CELF4: variants seen among roughly 807,000 people sequenced by gnomAD.
The protein encoded by CELF4 is CUG-BP- and ETR-3-like factor 4.
Under a neutral mutation model 59.9 loss-of-function variants are expected in CELF4, and 18 were observed. The observed-to-expected ratio is 0.30, with a 90% CI of 0.21 to 0.45. The LOEUF is 0.45. Ranked by LOEUF, CELF4 falls within the 20% of genes least tolerant of loss-of-function variation. CELF4 has a pLI of 1.00. For missense variants in CELF4, 456 were observed against 689.0 expected (o/e 0.66, Z 3.79); for synonymous variants, 261 against 267.1 (o/e 0.98, Z 0.22).
chr18:37,274,395 C>A lies in CELF4; in HGVS notation c.717G>T (p.Arg239=). ...FADTDKERTM[R]RMQQMAGQMG... ...TCTGGCCAGCCATCTGCTGCATTCG[C>A]CGCATCGTGCGCTCCTTGTCGGTGT... The change falls in exon 6 of 13, where the codon CGG becomes CGT. Residue 239 remains arginine, a synonymous_variant. Coordinates refer to ENST00000420428, the MANE Select transcript of CELF4 (RefSeq NM_020180.4). The A allele has an allele frequency of 6.2e-7, 1 of 1,613,604 alleles. No individual in the cohort carries two copies. Among genetic ancestry groups the A allele is most frequent in the South Asian group, 1.1e-5 (1 of 91,086 alleles).
At chr18:37,443,771 C>T (rs146141507) in intron 2 of CELF4, among the ~76,000 whole-genome samples, 16 of 152,282 alleles carry the variant, frequency 1.1e-4, no homozygotes, top group Admixed American at 7.2e-4. Context: ...TCCTGAGCCT[C>T]CTTCTGTGTT....
chr18:37,262,682 A>G (rs2075455477), intron 10 of CELF4, among the ~76,000 whole-genome samples: 1 of 152,170 alleles, frequency 6.6e-6, no homozygotes, highest in Non-Finnish European at 1.5e-5. Context: ...GAGAAAAGAT[A>G]TCAGGGCCTG....
intron 2 of CELF4, among the ~76,000 whole-genome samples, chr18:37,451,701 A>C (rs1350429418): frequency 6.6e-6 from 1 of 152,010 alleles, no homozygotes. Context: ...CGTACTTAGC[A>C]CCCAGTCAGC....
At chr18:37,384,232 T>C (rs1166888575) in intron 2 of CELF4, among the ~76,000 whole-genome samples, 2 of 152,206 alleles carry the variant, frequency 1.3e-5, no homozygotes, top group African/African-American at 2.4e-5. Context: ...GGGGAGACAC[T>C]CTGTCCTTCC....
At chr18:37,465,911 G>T (rs1017910535) in intron 2 of CELF4, among the ~76,000 whole-genome samples, 3 of 152,182 alleles carry the variant, frequency 2.0e-5, no homozygotes, top group Admixed American at 1.3e-4. Context: ...GCTGGCAGCA[G>T]AATCATGGGA....
At chr18:37,559,499 T>C (rs2099985908) in intron 1 of CELF4, among the ~76,000 whole-genome samples, 1 of 152,186 alleles carries the variant, frequency 6.6e-6, no homozygotes, top group Non-Finnish European at 1.5e-5. Context: ...GCTGGCATTT[T>C]GACCCTACAA....
At chr18:37,394,793 C>G (rs146840420) in intron 2 of CELF4, among the ~76,000 whole-genome samples, 5,003 of 152,260 alleles carry the variant, frequency 0.033, 121 homozygotes, top group Non-Finnish European at 0.046. Context: ...CCCACTCCCC[C>G]CAGACCAGGG....
chr18:37,416,221 T>C (rs2099527284), intron 2 of CELF4, among the ~76,000 whole-genome samples: 1 of 144,336 alleles, frequency 6.9e-6, no homozygotes, highest in Non-Finnish European at 1.6e-5. Flanking sequence ...CACCCATCCA[T>C]CCATTCATCT....
chr18:37,517,118 G>C (rs1416368388), intron 1 of CELF4, among the ~76,000 whole-genome samples: 1 of 152,168 alleles, frequency 6.6e-6, no homozygotes, highest in Admixed American at 6.5e-5. Context: ...TTAGCACTGA[G>C]AGAGCCAGGA....
intron 3 of CELF4, among the ~76,000 whole-genome samples, chr18:37,279,737 G>C (rs924070880): frequency 6.6e-6 from 1 of 152,216 alleles, no homozygotes; most frequent in Non-Finnish European, 1.5e-5. Flanking sequence ...AAGAACTGCT[G>C]TCCCTGCACC....
At chr18:37,262,997 T>G (rs2075667119) in intron 10 of CELF4, among the ~76,000 whole-genome samples, 1 of 152,138 alleles carries the variant, frequency 6.6e-6, no homozygotes, top group Non-Finnish European at 1.5e-5. Flanking sequence ...ATCTCAGAAG[T>G]TGCCTGCTGG....
intron 1 of CELF4, among the ~76,000 whole-genome samples, chr18:37,487,595 C>T (rs773468891): frequency 5.9e-5 from 9 of 152,318 alleles, no homozygotes; most frequent in Non-Finnish European, 7.3e-5. Context: ...CGTCGTCCCT[C>T]GTGCTGCCGC....
chr18:37,316,994 C>A (rs769691282), intron 3 of CELF4, among the ~76,000 whole-genome samples: 8 of 152,204 alleles, frequency 5.3e-5, no homozygotes, highest in Admixed American at 1.3e-4. Context: ...CACTTTCTGT[C>A]TGTGTGCCCT....
intron 2 of CELF4, among the ~76,000 whole-genome samples, chr18:37,444,456 T>TC (rs1243345208): frequency 6.6e-6 from 1 of 152,100 alleles, no homozygotes; most frequent in African/African-American, 2.4e-5. Context: ...GGTGCTGGAC[T>TC]CCATTTATGG....
At chr18:37,307,895 G>C (rs758277220) in intron 3 of CELF4, among the ~76,000 whole-genome samples, 6 of 152,204 alleles carry the variant, frequency 3.9e-5, no homozygotes, top group Admixed American at 3.9e-4. Flanking sequence ...GGGGTGTACC[G>C]TGACGAAAGC....
intron 2 of CELF4, among the ~76,000 whole-genome samples, chr18:37,416,102 AGC>A (rs2099525444): frequency 6.6e-6 from 1 of 152,122 alleles, no homozygotes. Context: ...TGCCACTTAG[AGC>A]CCTGGCCTGA....
intron 1 of CELF4, among the ~76,000 whole-genome samples, chr18:37,537,230 C>A (rs1338864388): frequency 6.6e-6 from 1 of 152,156 alleles, no homozygotes; most frequent in Non-Finnish European, 1.5e-5. Flanking sequence ...TGTCACTGCC[C>A]AAACCAAACA....
At chr18:37,386,329 G>C (rs565390409) in intron 2 of CELF4, among the ~76,000 whole-genome samples, 77 of 152,364 alleles carry the variant, frequency 5.1e-4, no homozygotes, top group Admixed American at 1.9e-3. Context: ...ACATCAGAAT[G>C]AGGTAAGTAA....
At chr18:37,255,649 G>A (rs188888204) in intron 11 of CELF4, among the ~76,000 whole-genome samples, 1 of 152,034 alleles carries the variant, frequency 6.6e-6, no homozygotes, top group Non-Finnish European at 1.5e-5. Context: ...TAAAAGTCAA[G>A]TACTTAGTAA....
Sources: gnomAD v4.1 joint callset for allele counts (sites outside exome capture counted in the v4.1 genomes callset) on GRCh38, gnomAD v4.1.1 for gene constraint, MANE v1.5 for transcripts, NCBI Gene and HGNC (gene_info 2026-07-23, HGNC 2026-07-21) for gene names.